Variants in CSMD3 observed in about 807,000 individuals in gnomAD.
The protein encoded by CSMD3 is CUB and sushi domain-containing protein 3.
In CSMD3, 177 loss-of-function variants were observed where a neutral mutation model predicts 435.2. That is an observed-to-expected ratio of 0.41 (90% CI 0.36 to 0.46). The LOEUF (loss-of-function observed/expected upper bound fraction) is 0.46, where lower values mean the gene tolerates loss of function less well. Ranked by LOEUF, CSMD3 falls within the 20% of genes least tolerant of loss-of-function variation. The pLI is 0.34. For missense variants in CSMD3, 4,265 were observed against 4,504.6 expected, an observed-to-expected ratio of 0.95 and a Z score of 1.52; for synonymous variants, 1,656 against 1,520.5, an observed-to-expected ratio of 1.09 and a Z score of -2.07.
intron 16 of CSMD3, among the ~76,000 whole-genome samples, chr8:112,672,641 T>G (rs1345128167): frequency 6.6e-6 from 1 of 152,116 alleles, no homozygotes; most frequent in Non-Finnish European, 1.5e-5. Flanking sequence ...GTTATTTGGA[T>G]ATTTTAGTGA....
chr8:112,658,146 A>G (rs898912651), intron 17 of CSMD3, among the ~76,000 whole-genome samples: 2 of 152,206 alleles, frequency 1.3e-5, no homozygotes, highest in African/African-American at 4.8e-5. Context: ...GCACTTTCCA[A>G]TAAAGTTTCA....
intron 20 of CSMD3, among the ~76,000 whole-genome samples, chr8:112,640,638 C>G (rs2074797788): frequency 6.6e-6 from 1 of 151,412 alleles, no homozygotes; most frequent in African/African-American, 2.4e-5. Flanking sequence ...TACAAGAGCC[C>G]TTTTAGAGGG....
intron 9 of CSMD3, among the ~76,000 whole-genome samples, chr8:112,944,053 C>A (rs982001286): frequency 6.6e-6 from 1 of 151,642 alleles, no homozygotes; most frequent in Non-Finnish European, 1.5e-5. Context: ...AAAGGGCACT[C>A]AAATTTACTT....
At chr8:112,509,086 CTT>C (rs758083076) in intron 28 of CSMD3, among the ~76,000 whole-genome samples, 14 of 132,448 alleles carry the variant, frequency 1.1e-4, no homozygotes, top group Admixed American at 3.9e-4. Flanking sequence ...GATTAGATGT[CTT>C]TTTTTTTTTT....
intron 4 of CSMD3, among the ~76,000 whole-genome samples, chr8:113,103,963 T>C (rs973922776): frequency 1.3e-5 from 2 of 152,096 alleles, no homozygotes; most frequent in Admixed American, 1.3e-4. Context: ...TGGCTTTGGG[T>C]ATGAGACCAC....
intron 31 of CSMD3, among the ~76,000 whole-genome samples, chr8:112,474,839 T>C (rs1430369873): frequency 1.3e-5 from 2 of 152,230 alleles, no homozygotes; most frequent in Non-Finnish European, 2.9e-5. Context: ...CTTTTTTCTT[T>C]AATGTTCTAT....
intron 31 of CSMD3, among the ~76,000 whole-genome samples, chr8:112,480,792 C>A (rs1237549299): frequency 1.3e-5 from 2 of 152,108 alleles, no homozygotes; most frequent in African/African-American, 4.8e-5. Flanking sequence ...CCTAAATTAC[C>A]CAGTTTCAGG....
chr8:113,148,185 C>T (rs1214893626), intron 4 of CSMD3, among the ~76,000 whole-genome samples: 1 of 151,688 alleles, frequency 6.6e-6, no homozygotes, highest in Non-Finnish European at 1.5e-5. Flanking sequence ...TCCAAATGTG[C>T]CAGATATTTT....
chr8:113,318,217 T>C (rs1323264536), intron 1 of CSMD3, among the ~76,000 whole-genome samples: 1 of 152,204 alleles, frequency 6.6e-6, no homozygotes, highest in African/African-American at 2.4e-5. Context: ...GGCACCACTG[T>C]ATGAAGTGTT....
intron 41 of CSMD3, among the ~76,000 whole-genome samples, chr8:112,345,462 C>T (rs1029573541): frequency 6.6e-6 from 1 of 152,012 alleles, no homozygotes; most frequent in Non-Finnish European, 1.5e-5. Flanking sequence ...ACCTGGAGGG[C>T]ATTATGTTAA....
chr8:112,913,546 T>G (rs1215156172), intron 10 of CSMD3, among the ~76,000 whole-genome samples: 1 of 152,004 alleles, frequency 6.6e-6, no homozygotes, highest in African/African-American at 2.4e-5. Flanking sequence ...TGTAATTATA[T>G]ACTAACTTTT....
At chr8:112,872,100 T>G (rs2130061620) in intron 10 of CSMD3, among the ~76,000 whole-genome samples, 1 of 152,150 alleles carries the variant, frequency 6.6e-6, no homozygotes, top group South Asian at 2.1e-4. Context: ...CTCAGATTCT[T>G]GACAGTTGGT....
chr8:112,543,778 C>T (rs932164969), intron 27 of CSMD3, among the ~76,000 whole-genome samples: 3 of 152,066 alleles, frequency 2.0e-5, no homozygotes, highest in Admixed American at 6.6e-5. Context: ...TATTAGTATT[C>T]CTAAGTTCAT....
chr8:112,230,668 T>C (rs115114939), intron 69 of CSMD3, among the ~76,000 whole-genome samples: 1,683 of 152,008 alleles, frequency 0.011, 39 homozygotes, highest in African/African-American at 0.038. Context: ...CCAGCTACCA[T>C]GGTAGTGTGC....
chr8:112,399,659 T>C (rs1580653), intron 35 of CSMD3, among the ~76,000 whole-genome samples: 114,853 of 152,084 alleles, frequency 0.76, 43,877 homozygotes, highest in African/African-American at 0.86. Context: ...AGCCAAATAT[T>C]CAATTTCATT....
At chr8:113,162,950 C>T (rs1038492499) in intron 4 of CSMD3, among the ~76,000 whole-genome samples, 3 of 152,078 alleles carry the variant, frequency 2.0e-5, no homozygotes, top group Non-Finnish European at 4.4e-5. Flanking sequence ...ATATTTGTAT[C>T]TTTCTTAGAA....
chr8:113,182,449 T>C lies in CSMD3; in HGVS notation c.515-8533A>G, dbSNP rs77981376. 1.5e-3 allele frequency among the ~76,000 whole-genome samples: 227 copies of C among 151,710 alleles called. 2 individuals carry two copies. The East Asian group carries it at 0.04, about 27-fold the overall frequency. The stretch of plus-strand genomic sequence containing the variant: ...AGAATGTAACTTCAGAAAATAATCT[T>C]AGGGTTGCACTTTGGAAAGACTTGA... On this transcript the variant is annotated intron_variant, in intron 3 of 70. Coordinates refer to ENST00000297405, the MANE Select transcript of CSMD3 (RefSeq NM_198123.2).
At chr8:112,883,117 T>C (rs112356777) in intron 10 of CSMD3, among the ~76,000 whole-genome samples, 5,346 of 152,000 alleles carry the variant, frequency 0.035, 149 homozygotes, top group Non-Finnish European at 0.048. Flanking sequence ...GAGCACACTT[T>C]TGCTTAAAAT....
At chr8:112,486,618 C>T (rs1389321537) in intron 31 of CSMD3, among the ~76,000 whole-genome samples, 1 of 152,098 alleles carries the variant, frequency 6.6e-6, no homozygotes, top group African/African-American at 2.4e-5. Flanking sequence ...TTTATATATG[C>T]TGAACCCTAG....
Sources: allele counts gnomAD v4.1 joint callset (sites outside exome capture counted in the v4.1 genomes callset), GRCh38; gene constraint gnomAD v4.1.1; transcripts MANE v1.5; gene names NCBI Gene and HGNC (gene_info 2026-07-23, HGNC 2026-07-21).